The following PRDM16 variants were observed in gnomAD, a reference collection of about 807,000 sequenced individuals.
The protein encoded by PRDM16 is histone-lysine N-methyltransferase PRDM16.
A neutral mutation model predicts 110.6 loss-of-function variants in PRDM16; 23 were observed. That is an observed-to-expected ratio of 0.21 (90% CI 0.15 to 0.29). PRDM16 has a LOEUF of 0.29. PRDM16 is among the 10% of genes least tolerant of loss of function. The pLI, the probability that PRDM16 is intolerant of heterozygous loss-of-function variation, is 1.00. For missense variants in PRDM16, 1,615 were observed against 1,794.3 expected, an observed-to-expected ratio of 0.90 and a Z score of 1.81; for synonymous variants, 799 against 781.8, an observed-to-expected ratio of 1.02 and a Z score of -0.37.
rs1248437989 is a variant in PRDM16, at chr1:3,201,803, C to A, written c.387+15329C>A. ...CTCTCCCACCTGGCCTCTGTTTCTACCTCGGGTTGGTGTCTCCCGCCCACT... is the reference window on the plus strand; with the variant it reads ...CTCTCCCACCTGGCCTCTGTTTCTAACTCGGGTTGGTGTCTCCCGCCCACT... On this transcript the variant is annotated intron_variant, in intron 2 of 16. Coordinates refer to ENST00000270722, the MANE Select transcript of PRDM16 (RefSeq NM_022114.4). The surrounding 1 kb of genome is among the most constrained non-coding windows in gnomAD (Gnocchi z 4.1). 6.6e-6 allele frequency among the ~76,000 whole-genome samples: 1 copy of A among 152,234 alleles called. No individual in the cohort carries two copies. The highest frequency in any genetic ancestry group is 1.5e-5 in the Non-Finnish European group (1 of 68,038).
In PRDM16 at chr1:3,214,174, C is replaced by T. The variant is rs1445776132; in HGVS notation, c.387+27700C>T. Among the ~76,000 whole-genome samples the T allele has an allele frequency of 2.6e-5, 4 of 152,294 alleles. No homozygotes were observed. In the East Asian group the frequency reaches 7.7e-4, roughly 29 times the overall value. Reference sequence around the variant, plus strand: ...AGTAGTTAATGGAGAAAATGGTTTTCCTTTTCAGACAGGCGTCTTTTCCTT... The same window carrying T: ...AGTAGTTAATGGAGAAAATGGTTTTTCTTTTCAGACAGGCGTCTTTTCCTT... On this transcript the variant is annotated intron_variant, in intron 2 of 16. Coordinates refer to ENST00000270722, the MANE Select transcript of PRDM16 (RefSeq NM_022114.4).
intron 1 of PRDM16, among the ~76,000 whole-genome samples, chr1:3,104,214 G>C (rs916246991): frequency 1.3e-5 from 2 of 152,196 alleles, no homozygotes; most frequent in African/African-American, 4.8e-5. Flanking sequence ...CAGAACTCCA[G>C]CTCCCAGGCG....
In PRDM16 at chr1:3,334,248, C is replaced by G. The variant is rs550768095; in HGVS notation, c.439-50904C>G. On this transcript the variant is annotated intron_variant, in intron 3 of 16. Coordinates refer to ENST00000270722, the MANE Select transcript of PRDM16 (RefSeq NM_022114.4). ...AAGACAGAGCAGGCACAGAAGCTTCCAGACGATGAACTGCAGCCTGGCCCA... is the reference window on the plus strand; with the variant it reads ...AAGACAGAGCAGGCACAGAAGCTTCGAGACGATGAACTGCAGCCTGGCCCA... 1.2e-3 allele frequency among the ~76,000 whole-genome samples: 183 copies of G among 152,316 alleles called. 1 individual carries two copies. The highest frequency in any genetic ancestry group is 2.4e-3 in the Non-Finnish European group (160 of 68,030).
At chr1:3,227,811 G>A (rs957432266) in intron 2 of PRDM16, among the ~76,000 whole-genome samples, 1 of 152,224 alleles carries the variant, frequency 6.6e-6, no homozygotes, top group African/African-American at 2.4e-5. Flanking sequence ...TCCTGAGCAG[G>A]ACCTGTTCCT....
At chr1:3,142,889 G>C (rs577386513) in intron 1 of PRDM16, among the ~76,000 whole-genome samples, 2 of 152,162 alleles carry the variant, frequency 1.3e-5, no homozygotes, top group Non-Finnish European at 2.9e-5. Context: ...CAAGGGACCG[G>C]CATGGCTGGC....
At chr1:3,405,689 G>A (rs375762774) in intron 8 of PRDM16, 41 bp downstream of exon 8, 52 of 1,514,066 alleles carry the variant, frequency 3.4e-5, no homozygotes, top group East Asian at 1.3e-4. Context: ...CTCCGGGTGC[G>A]CGGATGCCGT....
At position 3,081,718 on chromosome 1, in the gene PRDM16, A is replaced by G. The variant is rs1410537743; in HGVS notation, c.37+12422A>G. 1.3e-5 allele frequency among the ~76,000 whole-genome samples: 2 copies of G among 152,048 alleles called. No homozygotes were observed. The highest frequency in any genetic ancestry group is 4.8e-5 in the African/African-American group (2 of 41,422). ...TTCCCACCCCTGGGTGTCGGTCACT[A>G]GAGAGTGGGTAGAGCCTGGCCACAG... On this transcript the variant is annotated intron_variant, in intron 1 of 16. Coordinates refer to ENST00000270722, the MANE Select transcript of PRDM16 (RefSeq NM_022114.4). This position sits in a 1 kb window ranked among gnomAD's most constrained non-coding sequence, Gnocchi z 4.6.
At chr1:3,234,642 G>A (rs1639499662) in intron 2 of PRDM16, among the ~76,000 whole-genome samples, 3 of 152,206 alleles carry the variant, frequency 2.0e-5, no homozygotes, top group Admixed American at 2.0e-4. Flanking sequence ...CCGTGACTGT[G>A]CCAGTCCCCA....
intron 3 of PRDM16, among the ~76,000 whole-genome samples, chr1:3,347,964 C>T (rs544156259): frequency 3.3e-5 from 5 of 151,868 alleles, no homozygotes; most frequent in Admixed American, 6.6e-5. Context: ...CACTGAGTTC[C>T]GTGAGCCTCT....
At chr1:3,181,236 T>C (rs1254243841) in intron 1 of PRDM16, among the ~76,000 whole-genome samples, 1 of 143,146 alleles carries the variant, frequency 7.0e-6, no homozygotes, top group Non-Finnish European at 1.5e-5. Context: ...ACACACGGTC[T>C]TACACACAGT....
At chr1:3,345,339 C>A (rs553840923) in intron 3 of PRDM16, among the ~76,000 whole-genome samples, 5 of 152,316 alleles carry the variant, frequency 3.3e-5, no homozygotes, top group Non-Finnish European at 7.3e-5. Flanking sequence ...CCAACAGAAG[C>A]TACTCTACCA....
At position 3,188,701 on chromosome 1, in the gene PRDM16, T is replaced by C. The variant is rs1362922417; in HGVS notation, c.387+2227T>C. On this transcript the variant is annotated intron_variant, in intron 2 of 16. Coordinates refer to ENST00000270722, the MANE Select transcript of PRDM16 (RefSeq NM_022114.4). ...GAGTTCGGGCACCGACTCCCTGGCT[T>C]TGGGACCACCTTTGAGTTTTGTTGC... 2.0e-5 allele frequency among the ~76,000 whole-genome samples: 3 copies of C among 152,174 alleles called. No homozygotes were observed. The East Asian group carries it at 5.8e-4, about 29-fold the overall frequency.
intron 2 of PRDM16, among the ~76,000 whole-genome samples, chr1:3,231,880 T>C (rs1231791075): frequency 6.6e-6 from 1 of 152,210 alleles, no homozygotes; most frequent in East Asian, 1.9e-4. Context: ...AGCTGGACCC[T>C]GGGGGGTCCC....
At chr1:3,099,499 G>A (rs779956461) in intron 1 of PRDM16, among the ~76,000 whole-genome samples, 1 of 152,206 alleles carries the variant, frequency 6.6e-6, no homozygotes, top group Non-Finnish European at 1.5e-5. Context: ...AAGGCCGGTG[G>A]GGGGCAAGGG....
intron 3 of PRDM16, among the ~76,000 whole-genome samples, chr1:3,259,590 C>G (rs188769570): frequency 1.3e-5 from 2 of 152,224 alleles, no homozygotes; most frequent in African/African-American, 2.4e-5. Context: ...TCAGGCCCCC[C>G]CAAGAAAGCC....
At chr1:3,383,079 G>T (rs192830676) in intron 3 of PRDM16, among the ~76,000 whole-genome samples, 16 of 152,316 alleles carry the variant, frequency 1.1e-4, no homozygotes, top group African/African-American at 3.6e-4. Flanking sequence ...CAGAATTCAC[G>T]GCCAACCCTG....
intron 1 of PRDM16, among the ~76,000 whole-genome samples, chr1:3,144,477 T>C (rs1470465906): frequency 6.7e-6 from 1 of 149,138 alleles, no homozygotes; most frequent in East Asian, 2.0e-4. Context: ...CGTATCCAGG[T>C]GTCCAGGGCT....
intron 10 of PRDM16, among the ~76,000 whole-genome samples, chr1:3,414,951 C>T (rs1220639379): frequency 4.6e-5 from 7 of 152,160 alleles, no homozygotes; most frequent in Non-Finnish European, 1.0e-4. Context: ...CCTGAAGGAG[C>T]GAGGGCAGGG....
At position 3,290,938 on chromosome 1, in the gene PRDM16, C is replaced by T. The variant is rs1208013920; in HGVS notation, c.438+46801C>T. Reference sequence around the variant, plus strand: ...GCAGAAATCCATACTCATCATTCATCGGGGGCCTTATTAACCTTCTTACGA... The same window carrying T: ...GCAGAAATCCATACTCATCATTCATTGGGGGCCTTATTAACCTTCTTACGA... On this transcript the variant is annotated intron_variant, in intron 3 of 16. Transcript: ENST00000270722. The surrounding 1 kb of genome is among the most constrained non-coding windows in gnomAD (Gnocchi z 4.8). Among the ~76,000 whole-genome samples, 4 of 151,966 alleles carry T rather than the reference C, an allele frequency of 2.6e-5. No individual in the cohort carries two copies. The highest frequency in any genetic ancestry group is 5.9e-5 in the Non-Finnish European group (4 of 67,980).
Sources: allele counts gnomAD v4.1 joint callset (sites outside exome capture counted in the v4.1 genomes callset), GRCh38; gene constraint gnomAD v4.1.1; non-coding constraint Gnocchi (gnomAD v3.1); transcripts MANE v1.5; gene names NCBI Gene and HGNC (gene_info 2026-07-23, HGNC 2026-07-21).